SH2D4A: variants seen among roughly 807,000 people sequenced by gnomAD.
SH2D4A encodes the protein SH2 domain-containing protein 4A.
Under a neutral mutation model 64.7 loss-of-function variants are expected in SH2D4A, and 70 were observed. The observed-to-expected ratio is 1.08, with a 90% CI of 0.89 to 1.32. The LOEUF is 1.32. SH2D4A is among the 40% of genes most tolerant of loss of function. The pLI is 0.00. For missense variants in SH2D4A, 706 were observed against 540.1 expected (o/e 1.31, Z -3.04); for synonymous variants, 268 against 200.7 (o/e 1.34, Z -2.83).
chr8:19,387,872 A>G (rs2053417490), intron 8 of SH2D4A, among the ~76,000 whole-genome samples: 1 of 152,232 alleles, frequency 6.6e-6, no homozygotes, highest in Non-Finnish European at 1.5e-5. Flanking sequence ...GCACATAATA[A>G]GCCCTAGTTA....
chr8:19,366,970 A>G (rs2053007727), intron 7 of SH2D4A, among the ~76,000 whole-genome samples: 1 of 152,122 alleles, frequency 6.6e-6, no homozygotes, highest in African/African-American at 2.4e-5. Flanking sequence ...TTTTTTGAGG[A>G]ACTTCATACC....
At chr8:19,362,380 T>C (rs1258384705) in intron 6 of SH2D4A, among the ~76,000 whole-genome samples, 3 of 152,196 alleles carry the variant, frequency 2.0e-5, no homozygotes, top group African/African-American at 4.8e-5. Context: ...CTCATTGCTA[T>C]AACAAAAAAT....
At chr8:19,337,985 C>T (rs1284018592) in intron 4 of SH2D4A, among the ~76,000 whole-genome samples, 4 of 152,136 alleles carry the variant, frequency 2.6e-5, no homozygotes, top group South Asian at 2.1e-4. Flanking sequence ...TGGGAGCCAC[C>T]GGAAGCTGGA....
chr8:19,342,401 C>A (rs2052543098), intron 4 of SH2D4A, among the ~76,000 whole-genome samples: 1 of 152,180 alleles, frequency 6.6e-6, no homozygotes, highest in Admixed American at 6.5e-5. Context: ...ATGCTGAGGC[C>A]AGCCTCAAGG....
intron 5 of SH2D4A, among the ~76,000 whole-genome samples, chr8:19,359,517 C>G (rs2052845444): frequency 6.6e-6 from 1 of 152,158 alleles, no homozygotes; most frequent in Admixed American, 6.5e-5. Flanking sequence ...CACTTTGAAG[C>G]TTTTTCTGTT....
At chr8:19,384,656 T>A (rs1231279293) in intron 8 of SH2D4A, among the ~76,000 whole-genome samples, 2 of 152,240 alleles carry the variant, frequency 1.3e-5, no homozygotes, top group Admixed American at 6.5e-5. Flanking sequence ...TCATCCCAGT[T>A]ATTCTGGCTT....
chr8:19,340,071 C>T (rs1435124036), intron 4 of SH2D4A, among the ~76,000 whole-genome samples: 3 of 152,122 alleles, frequency 2.0e-5, no homozygotes, highest in Non-Finnish European at 2.9e-5. Flanking sequence ...GGGGCAGCTC[C>T]GAGGAGCCAA....
chr8:19,382,820 A>ATTTTTTTTT (rs2053318237), intron 8 of SH2D4A, among the ~76,000 whole-genome samples: 1 of 85,908 alleles, frequency 1.2e-5, no homozygotes, highest in Non-Finnish European at 2.5e-5. Flanking sequence ...TGCTTTTAAG[A>ATTTTTTTTT]TTCTTTTTTT....
rs538875062 is a variant in SH2D4A at position 19,389,492 on chromosome 8, C to A, written c.1049-3826C>A. 2.0e-5 allele frequency among the ~76,000 whole-genome samples: 3 copies of A among 152,222 alleles called. No individual in the cohort carries two copies. In the South Asian group the frequency reaches 6.2e-4, roughly 32 times the overall value. On this transcript the variant is annotated intron_variant, in intron 8 of 9. Coordinates refer to ENST00000265807, the MANE Select transcript of SH2D4A (RefSeq NM_022071.4). ...GGGACCTCCTCCAGCTGCGACGGAC[C>A]CTTGTGCTGCTGCTGTTTTGTAGGG...
intron 7 of SH2D4A, among the ~76,000 whole-genome samples, chr8:19,370,227 C>T (rs2053071718): frequency 6.6e-6 from 1 of 151,878 alleles, no homozygotes; most frequent in South Asian, 2.1e-4. Context: ...ACTGTGTATT[C>T]TGCAGCTGGT....
rs2052145832 is a variant in SH2D4A at position 19,319,391 on chromosome 8, T to G, written c.-157T>G. 7.8e-7 allele frequency: 1 copy of G among 1,287,110 alleles called. No individual in the cohort carries two copies. The allele number at this position is 1,287,110 out of a possible 1,614,324, so 79.7% of individuals were successfully genotyped here. A position where few individuals can be genotyped will look rare whatever the true frequency, so the allele number is the denominator to read the frequency against. On this transcript the variant is annotated 5_prime_UTR_variant, in exon 2 of 10. It removes the in-frame stop codon of an upstream open reading frame in the 5' UTR. Coordinates refer to ENST00000265807, the MANE Select transcript of SH2D4A (RefSeq NM_022071.4). ...CAGGACATTTGGTGCCAGGTCTGAG[T>G]AGCCAGTTTGCTGAATTATTGTCCC...
chr8:19,336,445 C>G (rs1394176830), intron 4 of SH2D4A, among the ~76,000 whole-genome samples: 2 of 152,148 alleles, frequency 1.3e-5, no homozygotes, highest in Admixed American at 1.3e-4. Flanking sequence ...CCGTCCTCCC[C>G]AGGTGTGCTT....
intron 2 of SH2D4A, among the ~76,000 whole-genome samples, chr8:19,320,305 C>T (rs1345377966): frequency 2.0e-5 from 3 of 151,892 alleles, no homozygotes; most frequent in African/African-American, 7.3e-5. Context: ...TCTTTTGAGA[C>T]CATGGGGGAG....
intron 7 of SH2D4A, among the ~76,000 whole-genome samples, chr8:19,371,253 A>C (rs2053090361): frequency 6.6e-6 from 1 of 152,154 alleles, no homozygotes; most frequent in Non-Finnish European, 1.5e-5. Context: ...TTATAGGCCA[A>C]GTCTGGTAGT....
rs2052148889 is a variant in SH2D4A, at chr8:19,319,529, A to T, written c.-19A>T. On this transcript the variant is annotated 5_prime_UTR_variant, in exon 2 of 10. In the 5' UTR this introduces an upstream ATG that the reference lacks. Transcript: ENST00000265807. ...CAGGAACTTTTGCCACAAGTATAAA[A>T]GACTTCAGAAGTGCAAAGATGCTGA... is the stretch of plus-strand genomic sequence containing the variant. 12 of 1,473,834 alleles carry T rather than the reference A, an allele frequency of 8.1e-6. No homozygotes were observed. The highest frequency in any genetic ancestry group is 1.1e-5 in the Non-Finnish European group (12 of 1,109,192). 91.3% of individuals were successfully genotyped at this position (1,473,834 alleles called of 1,614,324 possible). A position where few individuals can be genotyped will look rare whatever the true frequency, so the allele number is the denominator to read the frequency against.
intron 2 of SH2D4A, among the ~76,000 whole-genome samples, chr8:19,328,978 T>G (rs1434991808): frequency 6.6e-6 from 1 of 152,216 alleles, no homozygotes; most frequent in Non-Finnish European, 1.5e-5. Context: ...TGTGGGACCC[T>G]GTGCCACATG....
intron 7 of SH2D4A, among the ~76,000 whole-genome samples, chr8:19,367,984 T>C (rs1342817604): frequency 6.6e-6 from 1 of 152,174 alleles, no homozygotes; most frequent in East Asian, 1.9e-4. Flanking sequence ...TTTCTTTTGG[T>C]AGCTTCATGG....
rs191445693 is a variant in SH2D4A at position 19,316,177 on chromosome 8, C to A, written c.-205+2354C>A. Reference sequence around the variant, plus strand: ...AGTGGCAGAATGGCCACATCGTCAACGGCCTGACCACAGATAGTTGTCGGC... The same window carrying A: ...AGTGGCAGAATGGCCACATCGTCAAAGGCCTGACCACAGATAGTTGTCGGC... On this transcript the variant is annotated intron_variant, in intron 1 of 9. Transcript: ENST00000265807. Among the ~76,000 whole-genome samples the A allele has an allele frequency of 2.6e-5, 4 of 152,204 alleles. No homozygotes were observed. The South Asian group carries it at 8.3e-4, about 32-fold the overall frequency.
intron 7 of SH2D4A, among the ~76,000 whole-genome samples, chr8:19,366,942 T>A (rs2053007211): frequency 6.6e-6 from 1 of 152,222 alleles, no homozygotes. Flanking sequence ...TTTTTATGGA[T>A]CTTTTGTTCT....
Sources: gnomAD v4.1 joint callset for allele counts (sites outside exome capture counted in the v4.1 genomes callset) on GRCh38, gnomAD v4.1.1 for gene constraint, MANE v1.5 for transcripts, NCBI Gene and HGNC (gene_info 2026-07-23, HGNC 2026-07-21) for gene names.